Variants in FRS2 observed in about 807,000 individuals in gnomAD.
FRS2 encodes the protein fibroblast growth factor receptor substrate 2, also known as FGFR signalling adaptor.
In FRS2, 8 loss-of-function variants were observed where a neutral mutation model predicts 43.9. The observed-to-expected ratio is 0.18, with a 90% CI of 0.11 to 0.33. The LOEUF (loss-of-function observed/expected upper bound fraction) is 0.33. Ranked by LOEUF, FRS2 falls within the 10% of genes least tolerant of loss-of-function variation. The probability of loss-of-function intolerance (pLI) is 1.00; values close to 1 mark genes in which losing one functional copy is unlikely to be tolerated. For synonymous variants in FRS2, 219 were observed against 220.3 expected (o/e 0.99, Z 0.05); for missense variants, 534 against 627.6 (o/e 0.85, Z 1.59).
At chr12:69,535,950 G>A (rs1489655932) in intron 3 of FRS2, among the ~76,000 whole-genome samples, 2 of 151,440 alleles carry the variant, frequency 1.3e-5, no homozygotes, top group East Asian at 3.9e-4. Flanking sequence ...TGTTTTATCT[G>A]TTTGTTGAAT....
At chr12:69,501,618 A>G (rs1365235064) in intron 1 of FRS2, among the ~76,000 whole-genome samples, 1 of 152,214 alleles carries the variant, frequency 6.6e-6, no homozygotes, top group Non-Finnish European at 1.5e-5. Context: ...AACAAATTAG[A>G]TGTTAAGTGT....
intron 3 of FRS2, among the ~76,000 whole-genome samples, chr12:69,561,244 T>A (rs1879849461): frequency 6.6e-6 from 1 of 152,172 alleles, no homozygotes; most frequent in African/African-American, 2.4e-5. Flanking sequence ...TGTAGCAGCA[T>A]CTCACAAGGA....
intron 3 of FRS2, among the ~76,000 whole-genome samples, chr12:69,545,768 A>G (rs566515): frequency 1.4e-5 from 2 of 143,138 alleles, no homozygotes; most frequent in South Asian, 4.3e-4. Flanking sequence ...AAAAAAAAAA[A>G]AAAAAAAAAA....
intron 1 of FRS2, among the ~76,000 whole-genome samples, chr12:69,496,934 T>C (rs565031754): frequency 6.6e-6 from 1 of 152,258 alleles, no homozygotes; most frequent in African/African-American, 2.4e-5. Flanking sequence ...TCCTTACATC[T>C]CCTGCAAGGT....
chr12:69,525,510 A>G (rs142306589), intron 1 of FRS2, among the ~76,000 whole-genome samples: 270 of 152,332 alleles, frequency 1.8e-3, no homozygotes, highest in Admixed American at 3.8e-3. Context: ...CCTTCCCATT[A>G]TCTTTATATG....
At position 69,527,341 on chromosome 12, in the gene FRS2, T is replaced by A. The variant is rs376777192; in HGVS notation, c.-260-3524T>A. On this transcript the variant is annotated intron_variant, in intron 1 of 8. Transcript: ENST00000549921. ...TGGAGCAAAGTTTTTTTTTTTTTAA[T>A]GATTTTTTTTTTTTTTTTTTTTTAA... Among the ~76,000 whole-genome samples the A allele has an allele frequency of 7.5e-4, 74 of 98,498 alleles. 1 individual carries two copies. Among genetic ancestry groups the A allele is most frequent in the Middle Eastern group, 5.6e-3 (1 of 180 alleles). 64.6% of individuals were successfully genotyped at this position (98,498 alleles called of 152,430 possible).
chr12:69,507,918 G>A (rs1180189137), intron 1 of FRS2, among the ~76,000 whole-genome samples: 1 of 151,020 alleles, frequency 6.6e-6, no homozygotes, highest in Non-Finnish European at 1.5e-5. Context: ...CAGCTACTCA[G>A]GAGGCTGAGG....
chr12:69,520,384 T>G (rs929978062), intron 1 of FRS2, among the ~76,000 whole-genome samples: 36 of 150,870 alleles, frequency 2.4e-4, no homozygotes, highest in African/African-American at 7.5e-4. Flanking sequence ...TAGTTTTTTT[T>G]TTTTTTTTTT....
intron 3 of FRS2, among the ~76,000 whole-genome samples, chr12:69,533,017 T>G (rs1471178691): frequency 6.6e-6 from 1 of 152,230 alleles, no homozygotes; most frequent in Non-Finnish European, 1.5e-5. Flanking sequence ...TAGATAGTAT[T>G]CTCATTTTAC....
At chr12:69,519,549 C>G (rs1325080098) in intron 1 of FRS2, among the ~76,000 whole-genome samples, 1 of 151,892 alleles carries the variant, frequency 6.6e-6, no homozygotes, top group African/African-American at 2.4e-5. Context: ...TGCTCCTCTC[C>G]CTCCTCCCAC....
chr12:69,526,289 T>G (rs201289825), intron 1 of FRS2, among the ~76,000 whole-genome samples: 1 of 152,326 alleles, frequency 6.6e-6, no homozygotes, highest in East Asian at 1.9e-4. Flanking sequence ...TCCAACTAAC[T>G]TAGGACATTA....
intron 8 of FRS2, 131 bp from the exon 9 acceptor site, chr12:69,573,874 A>T: frequency 1.7e-6 from 1 of 578,098 alleles, no homozygotes; most frequent in Non-Finnish European, 3.0e-6. Context: ...AAAGTTTTGA[A>T]GTAAGAGTAC....
intron 3 of FRS2, among the ~76,000 whole-genome samples, chr12:69,533,876 A>G (rs1877037413): frequency 6.6e-6 from 1 of 152,194 alleles, no homozygotes; most frequent in Non-Finnish European, 1.5e-5. Flanking sequence ...TGGTTCAGAC[A>G]CTGCTTTATT....
chr12:69,556,069 C>CT (rs1241063366), intron 3 of FRS2, among the ~76,000 whole-genome samples: 1 of 150,378 alleles, frequency 6.6e-6, no homozygotes, highest in Non-Finnish European at 1.5e-5. Flanking sequence ...CAATATTAGA[C>CT]TTTAAAAAAA....
intron 4 of FRS2, among the ~76,000 whole-genome samples, chr12:69,564,538 T>G (rs533391551): frequency 6.6e-6 from 1 of 152,308 alleles, no homozygotes; most frequent in South Asian, 2.1e-4. Flanking sequence ...AATAGACCCC[T>G]GGCACCCTTT....
At chr12:69,542,491 A>G (rs1249874902) in intron 3 of FRS2, among the ~76,000 whole-genome samples, 8 of 152,360 alleles carry the variant, frequency 5.3e-5, no homozygotes, top group Non-Finnish European at 1.0e-4. Context: ...TAAAGAAGAA[A>G]AAAGACTAGC....
chr12:69,543,092 G>A (rs1045952584), intron 3 of FRS2, among the ~76,000 whole-genome samples: 2 of 152,130 alleles, frequency 1.3e-5, no homozygotes, highest in African/African-American at 4.8e-5. Context: ...ATAACAACAT[G>A]GTAGCATTGC....
intron 1 of FRS2, among the ~76,000 whole-genome samples, chr12:69,513,151 G>GTT (rs5798937): frequency 0.011 from 1,673 of 147,000 alleles, 44 homozygotes; most frequent in East Asian, 0.092. Context: ...TTTGGAGTTT[G>GTT]TTTTTTTTTT....
At chr12:69,485,531 G>A (rs1028858322) in intron 1 of FRS2, among the ~76,000 whole-genome samples, 36 of 151,958 alleles carry the variant, frequency 2.4e-4, no homozygotes, top group African/African-American at 7.5e-4. Flanking sequence ...CACCCAGGCT[G>A]GAGTGCAGTG....
Sources: gnomAD v4.1 joint callset for allele counts (sites outside exome capture counted in the v4.1 genomes callset) on GRCh38, gnomAD v4.1.1 for gene constraint, MANE v1.5 for transcripts, NCBI Gene and HGNC (gene_info 2026-07-23, HGNC 2026-07-21) for gene names.